Variants in COL4A1 observed in about 807,000 individuals in gnomAD.
The protein encoded by COL4A1 is collagen type IV alpha 1 chain.
A neutral mutation model predicts 216.6 loss-of-function variants in COL4A1; 40 were observed. That is an observed-to-expected ratio of 0.18 (90% CI 0.14 to 0.24). COL4A1 has a LOEUF of 0.24. COL4A1 is among the 10% of genes least tolerant of loss of function. COL4A1 has a pLI of 1.00. For synonymous variants in COL4A1, 839 were observed against 810.7 expected (o/e 1.03, Z -0.59); for missense variants, 1,628 against 2,196.8 (o/e 0.74, Z 5.18).
chr13:110,291,826 T>C (rs1249847425), intron 1 of COL4A1, among the ~76,000 whole-genome samples: 4 of 152,182 alleles, frequency 2.6e-5, no homozygotes, highest in Non-Finnish European at 5.9e-5. Context: ...TAGATTCACC[T>C]TCAAATTTCC....
intron 22 of COL4A1, among the ~76,000 whole-genome samples, chr13:110,193,978 G>A (rs550474731): frequency 1.3e-5 from 2 of 152,298 alleles, no homozygotes; most frequent in Admixed American, 1.3e-4. Flanking sequence ...GGGAAGACTC[G>A]AGAAGACAGA....
chr13:110,241,201 T>G (rs56081954), intron 2 of COL4A1, among the ~76,000 whole-genome samples: 32,107 of 152,028 alleles, frequency 0.21, 3,800 homozygotes, highest in African/African-American at 0.31. Context: ...TAGATGCGGA[T>G]AGAATAAGAA....
intron 10 of COL4A1, 87 bp downstream of exon 10, chr13:110,209,893 G>C (rs756552118): frequency 2.0e-6 from 3 of 1,490,158 alleles, no homozygotes; most frequent in Middle Eastern, 1.7e-4. Context: ...ACTGTGTAAA[G>C]TTTTTACTAA....
intron 24 of COL4A1, among the ~76,000 whole-genome samples, chr13:110,189,908 C>T (rs1397085716): frequency 1.3e-5 from 2 of 152,026 alleles, no homozygotes; most frequent in African/African-American, 4.8e-5. Flanking sequence ...CCTTGGCATC[C>T]AGAACAAAAG....
intron 2 of COL4A1, among the ~76,000 whole-genome samples, chr13:110,222,771 TTAAAAAAAAAAAAAAAAAAA>T (rs1880561084): frequency 1.1e-5 from 1 of 93,404 alleles, no homozygotes; most frequent in East Asian, 3.4e-4. Context: ...AGACTCTGCT[TTAAAAAAAAAAAAAAAAAAA>T]AAAAAAAGAA....
chr13:110,237,681 C>A (rs185833182), intron 2 of COL4A1, among the ~76,000 whole-genome samples: 282 of 152,358 alleles, frequency 1.9e-3, no homozygotes, highest in African/African-American at 6.2e-3. Context: ...CTCTTTCTTG[C>A]TCTGACACTC....
intron 1 of COL4A1, among the ~76,000 whole-genome samples, chr13:110,243,182 CA>C (rs35932714): frequency 0.21 from 31,703 of 151,564 alleles, 3,958 homozygotes; most frequent in African/African-American, 0.34. Context: ...CACGGCCGCG[CA>C]AAAAAAAGTT....
chr13:110,236,805 T>G (rs1566401812), intron 2 of COL4A1, among the ~76,000 whole-genome samples: 1 of 152,184 alleles, frequency 6.6e-6, no homozygotes, highest in Non-Finnish European at 1.5e-5. Flanking sequence ...TGCCTTCCCC[T>G]TAGAGAGGTT....
At chr13:110,173,035 G>A (rs1176924420) in intron 40 of COL4A1, among the ~76,000 whole-genome samples, 1 of 152,148 alleles carries the variant, frequency 6.6e-6, no homozygotes, top group Non-Finnish European at 1.5e-5. Flanking sequence ...GTGCAAATGA[G>A]TATTTGTTTC....
At chr13:110,210,101 T>C in intron 9 of COL4A1, 28 bp downstream of exon 9, 10 of 1,613,914 alleles carry the variant, frequency 6.2e-6, no homozygotes, top group Non-Finnish European at 8.5e-6. Context: ...AGGTGGCACA[T>C]GTTCATAATG....
chr13:110,237,438 G>A lies in COL4A1; in HGVS notation c.144+5237C>T, dbSNP rs544221158. Among the ~76,000 whole-genome samples the A allele has an allele frequency of 9.2e-5, 14 of 152,274 alleles. No individual in the cohort carries two copies. The South Asian group carries it at 2.7e-3, about 29-fold the overall frequency. ...ACAGCTGGAGATATATTTATGTCACGACTGCTGGGGTGGGGGTGCTCCTGG... is the reference window on the plus strand; with the variant it reads ...ACAGCTGGAGATATATTTATGTCACAACTGCTGGGGTGGGGGTGCTCCTGG... On this transcript the variant is annotated intron_variant, in intron 2 of 51. Transcript: ENST00000375820.
intron 49 of COL4A1, among the ~76,000 whole-genome samples, chr13:110,156,736 G>A (rs1166524947): frequency 6.6e-6 from 1 of 152,204 alleles, no homozygotes; most frequent in Non-Finnish European, 1.5e-5. Flanking sequence ...TGAACAGAGT[G>A]TTAACAATGC....
chr13:110,271,197 G>A (rs9515179), intron 1 of COL4A1, among the ~76,000 whole-genome samples: 30,465 of 152,124 alleles, frequency 0.2, 3,580 homozygotes, highest in Admixed American at 0.27. Flanking sequence ...CAAATGAGAC[G>A]GGATGGAGAC....
chr13:110,201,264 AAAG>A, intron 19 of COL4A1, 171 bp downstream of exon 19: 1 of 350,492 alleles, frequency 2.9e-6, no homozygotes, highest in Non-Finnish European at 5.1e-6. Context: ...GGAAGAGGAG[AAAG>A]AGGAGGAGGG....
At chr13:110,285,177 C>T (rs143563994) in intron 1 of COL4A1, among the ~76,000 whole-genome samples, 4 of 152,290 alleles carry the variant, frequency 2.6e-5, no homozygotes, top group East Asian at 1.9e-4. Flanking sequence ...AGGGCACTAG[C>T]CAGAAGTATT....
At position 110,279,340 on chromosome 13, in the gene COL4A1, C is replaced by T. The variant is rs554561352; in HGVS notation, c.84+27604G>A. Among the ~76,000 whole-genome samples, 15 of 152,282 alleles carry T rather than the reference C, an allele frequency of 9.9e-5. No individual in the cohort carries two copies. The South Asian group carries it at 2.9e-3, about 29-fold the overall frequency. On this transcript the variant is annotated intron_variant, in intron 1 of 51. Coordinates refer to ENST00000375820, the MANE Select transcript of COL4A1 (RefSeq NM_001845.6). ...CCTGAGGCCCTTCTCAGTGATGCTT[C>T]CCAGTACTGCTCCTCCCCACAATAC...
At chr13:110,230,968 G>A (rs548607677) in intron 2 of COL4A1, among the ~76,000 whole-genome samples, 1 of 152,310 alleles carries the variant, frequency 6.6e-6, no homozygotes, top group South Asian at 2.1e-4. Flanking sequence ...TCCCAATCAG[G>A]AGGCAGAACC....
intron 1 of COL4A1, among the ~76,000 whole-genome samples, chr13:110,278,851 C>T (rs1883518868): frequency 6.6e-6 from 1 of 152,170 alleles, no homozygotes; most frequent in Admixed American, 6.5e-5. Flanking sequence ...TACATATATG[C>T]TACCTTAGAT....
chr13:110,209,138 T>C (rs1317652281), intron 11 of COL4A1, among the ~76,000 whole-genome samples: 1 of 87,666 alleles, frequency 1.1e-5, no homozygotes, highest in Admixed American at 1.5e-4. Context: ...AACTCTTGCA[T>C]TAGAAAACTA....
Sources: allele counts gnomAD v4.1 joint callset (sites outside exome capture counted in the v4.1 genomes callset), GRCh38; gene constraint gnomAD v4.1.1; transcripts MANE v1.5; gene names NCBI Gene and HGNC (gene_info 2026-07-23, HGNC 2026-07-21).